The following GPATCH1 variants were observed in gnomAD, a reference collection of about 807,000 sequenced individuals.
GPATCH1 encodes the protein G-patch domain containing 1.
GPATCH1 carries 73 observed loss-of-function variants against 114.9 expected under a neutral mutation model. The observed-to-expected ratio is 0.64, with a 90% CI of 0.53 to 0.77. The LOEUF is 0.77. GPATCH1 is among the 30% of genes least tolerant of loss of function. GPATCH1 has a pLI of 0.00. For missense variants in GPATCH1, 1,058 were observed against 1,144.3 expected, an observed-to-expected ratio of 0.92 and a Z score of 1.09; for synonymous variants, 391 against 428.4, an observed-to-expected ratio of 0.91 and a Z score of 1.08.
chr19:33,100,529 A>C (rs999518623), intron 8 of GPATCH1, among the ~76,000 whole-genome samples: 64 of 145,530 alleles, frequency 4.4e-4, no homozygotes, highest in African/African-American at 1.6e-3. Flanking sequence ...CAGAGGTTGC[A>C]GTGAGCCAAG....
intron 15 of GPATCH1, 66 bp from the exon 16 acceptor site, chr19:33,117,759 C>T (rs1203580264): frequency 6.2e-6 from 7 of 1,133,114 alleles, no homozygotes; most frequent in Non-Finnish European, 6.7e-6. Context: ...GGAGTGTATT[C>T]TAGAATGTCT....
intron 5 of GPATCH1, among the ~76,000 whole-genome samples, chr19:33,094,919 C>T (rs2145309499): frequency 6.6e-6 from 1 of 152,242 alleles, no homozygotes; most frequent in East Asian, 1.9e-4. Context: ...AATCCTGGCA[C>T]TTTGGGATGC....
chr19:33,128,913 T>G (rs189707308), intron 19 of GPATCH1, among the ~76,000 whole-genome samples: 1 of 152,326 alleles, frequency 6.6e-6, no homozygotes, highest in Non-Finnish European at 1.5e-5. Context: ...GACCCAGCTC[T>G]GTTTCAAATA....
At chr19:33,114,448 C>G (rs372895275) in intron 15 of GPATCH1, 29 bp downstream of exon 15, 3 of 1,545,358 alleles carry the variant, frequency 1.9e-6, no homozygotes, top group Non-Finnish European at 2.6e-6. Flanking sequence ...TTCTCTTTGC[C>G]ACGCTGAGTG....
intron 3 of GPATCH1, among the ~76,000 whole-genome samples, chr19:33,092,793 T>A (rs1219953933): frequency 1.3e-5 from 2 of 152,226 alleles, no homozygotes; most frequent in Non-Finnish European, 2.9e-5. Context: ...CATTACTTCC[T>A]GTCTTCCCAG....
intron 1 of GPATCH1, among the ~76,000 whole-genome samples, chr19:33,084,307 G>T (rs1972511826): frequency 6.6e-6 from 1 of 152,178 alleles, no homozygotes. Context: ...TAACCAGGGA[G>T]CCTAGTGACA....
intron 10 of GPATCH1, among the ~76,000 whole-genome samples, chr19:33,107,179 T>A (rs540855947): frequency 6.6e-6 from 1 of 152,192 alleles, no homozygotes; most frequent in South Asian, 2.1e-4. Flanking sequence ...AACTCCTGGG[T>A]TCAAGCGTTC....
At chr19:33,105,141 G>GA (rs1972768846) in intron 9 of GPATCH1, among the ~76,000 whole-genome samples, 1 of 151,916 alleles carries the variant, frequency 6.6e-6, no homozygotes, top group Non-Finnish European at 1.5e-5. Context: ...TATCTTGGAT[G>GA]AAAAAATAGG....
In GPATCH1 at chr19:33,090,768, T is replaced by C. The variant is rs1288493068; in HGVS notation, c.209-12T>C. ...TCTAGGATTGTAAAGTTCTAAACTC[T>C]TTTTTTTTCAGGATGGACACCCTCT... is the stretch of plus-strand genomic sequence containing the variant. On this transcript the variant is annotated splice_polypyrimidine_tract_variant and intron_variant, in intron 2 of 19. Coordinates refer to ENST00000170564, the MANE Select transcript of GPATCH1 (RefSeq NM_018025.3). 1 of 1,545,218 alleles carries C rather than the reference T, an allele frequency of 6.5e-7. No homozygotes were observed. The highest frequency in any genetic ancestry group is 8.9e-7 in the Non-Finnish European group (1 of 1,120,754).
chr19:33,094,291 C>A, intron 5 of GPATCH1, 22 bp downstream of exon 5: 1 of 1,203,128 alleles, frequency 8.3e-7, no homozygotes, highest in Non-Finnish European at 1.2e-6. Flanking sequence ...AATTGATTAA[C>A]TGTTATCACT....
intron 8 of GPATCH1, among the ~76,000 whole-genome samples, chr19:33,098,335 G>A (rs1034405703): frequency 4.6e-5 from 7 of 152,210 alleles, no homozygotes; most frequent in Non-Finnish European, 1.0e-4. Context: ...GGAGCTGGGC[G>A]CCCAGTCCGT....
chr19:33,116,154 G>T (rs1972914040), intron 15 of GPATCH1, among the ~76,000 whole-genome samples: 1 of 151,732 alleles, frequency 6.6e-6, no homozygotes. Context: ...GCACTATGTA[G>T]GTCCTTTTAC....
At chr19:33,112,166 A>G (rs539270330) in intron 12 of GPATCH1, among the ~76,000 whole-genome samples, 2 of 152,212 alleles carry the variant, frequency 1.3e-5, no homozygotes, top group African/African-American at 4.8e-5. Context: ...GGGTTTCACC[A>G]TATTGGCCAG....
intron 8 of GPATCH1, 93 bp downstream of exon 8, chr19:33,097,995 G>A: frequency 8.5e-7 from 1 of 1,181,030 alleles, no homozygotes; most frequent in East Asian, 2.4e-5. Flanking sequence ...ACCAGCCTCT[G>A]TTGTTGGTCA....
chr19:33,083,109 G>A (rs929801677), intron 1 of GPATCH1, among the ~76,000 whole-genome samples: 5 of 151,136 alleles, frequency 3.3e-5, no homozygotes, highest in Non-Finnish European at 7.4e-5. Context: ...GGCGTGGTGG[G>A]GGGGGGCTCA....
rs1364856691 is a variant in GPATCH1 at position 33,094,315 on chromosome 19, T to G, written c.553+46T>G. 2.2e-5 allele frequency: 7 copies of G among 322,584 alleles called. No homozygotes were observed. The East Asian group carries it at 8.1e-4, about 37-fold the overall frequency. The allele number at this position is 322,584 out of a possible 1,614,324, so 20.0% of individuals were successfully genotyped here. On this transcript the variant is annotated intron_variant, in intron 5 of 19. Coordinates refer to ENST00000170564, the MANE Select transcript of GPATCH1 (RefSeq NM_018025.3). ...ACTGTTATCACTGCTGCAGCGTACT[T>G]TTTTTTTTTTTTTGAGACAGGGTCT...
intron 17 of GPATCH1, among the ~76,000 whole-genome samples, chr19:33,120,877 C>T (rs1371705926): frequency 6.6e-6 from 1 of 151,722 alleles, no homozygotes; most frequent in Non-Finnish European, 1.5e-5. Context: ...GTAGTCCCAG[C>T]TGCTGGGGAG....
At chr19:33,126,088 G>A (rs969365294) in intron 18 of GPATCH1, among the ~76,000 whole-genome samples, 2 of 152,168 alleles carry the variant, frequency 1.3e-5, no homozygotes, top group African/African-American at 2.4e-5. Context: ...GGCGGATGAC[G>A]GGCGTTCCCT....
rs902528276 is a variant in GPATCH1, at chr19:33,117,917, T to C, written c.2289T>C (p.Asp763=). The C allele has an allele frequency of 1.2e-6, 2 of 1,613,886 alleles. No homozygotes were observed. Among genetic ancestry groups the C allele is most frequent in the Non-Finnish European group, 1.7e-6 (2 of 1,179,882 alleles). ...GGGCCATCTTTGCCAGTTCCTCAGA[T>C]GAAAAGTCCTCATCCTCCGAGGATG... ...LFRAIFASSS[D]EKSSSSEDEQ... is the part of the protein sequence containing the mutation. The change falls in exon 16 of 20, where the codon GAT becomes GAC. Residue 763 remains aspartate, a synonymous_variant. Coordinates refer to ENST00000170564, the MANE Select transcript of GPATCH1 (RefSeq NM_018025.3).
Sources: allele counts gnomAD v4.1 joint callset (sites outside exome capture counted in the v4.1 genomes callset), GRCh38; gene constraint gnomAD v4.1.1; transcripts MANE v1.5; gene names NCBI Gene and HGNC (gene_info 2026-07-23, HGNC 2026-07-21).